Variants in PDZD4 observed in about 807,000 individuals in gnomAD.
PDZD4 encodes PDZ domain containing 4, also known as PDZ domain-containing protein 4.
In PDZD4, 9 loss-of-function variants were observed where a neutral mutation model predicts 38.5. The observed-to-expected ratio is 0.23, with a 90% CI of 0.14 to 0.41. The LOEUF is 0.41. PDZD4 is among the 10% of genes least tolerant of loss of function. The pLI is 1.00. For synonymous variants in PDZD4, 349 were observed against 315.7 expected, an observed-to-expected ratio of 1.11 and a Z score of -1.12; for missense variants, 612 against 722.0, an observed-to-expected ratio of 0.85 and a Z score of 1.75.
At chrX:153,810,413 G>A (rs895513704) in intron 1 of PDZD4, among the ~76,000 whole-genome samples, 2 of 112,370 alleles carry the variant, frequency 1.8e-5, no homozygotes, top group Non-Finnish European at 3.8e-5. Flanking sequence ...AAAGACCCAG[G>A]GAGGCTGGTT....
rs199802294 is a variant in PDZD4, at chrX:153,803,251, A to ACGCG, written c.*98_*101dup. On this transcript the variant is annotated 3_prime_UTR_variant, in exon 8 of 8. Transcript: ENST00000393758. Reference sequence around the variant, plus strand: ...AGATGTGTGCGTGCGCACAGCGAGCACGCGCGCGCGCACACACACACACAC... The same window carrying ACGCG: ...AGATGTGTGCGTGCGCACAGCGAGCACGCGCGCGCGCGCGCACACACACACACAC... 1.4e-5 allele frequency: 8 copies of ACGCG among 578,645 alleles called. No individual in the cohort carries two copies. The Admixed American group carries it at 3.0e-4, about 22-fold the overall frequency. The allele number at this position is 578,645 out of a possible 1,213,427, so 47.7% of individuals were successfully genotyped here. A position where few individuals can be genotyped will look rare whatever the true frequency, so the allele number is the denominator to read the frequency against.
intron 1 of PDZD4, among the ~76,000 whole-genome samples, chrX:153,817,557 C>T (rs1179673436): frequency 1.8e-5 from 2 of 112,005 alleles, no homozygotes; most frequent in African/African-American, 6.5e-5. Context: ...CCTGGGGAGT[C>T]ACTGCTGAGG....
chrX:153,821,168 G>A (rs1181566279), intron 1 of PDZD4, among the ~76,000 whole-genome samples: 2 of 111,533 alleles, frequency 1.8e-5, no homozygotes, highest in Non-Finnish European at 3.8e-5. Context: ...CCATAACTCT[G>A]TGCCCACCCT....
At chrX:153,816,731 A>C (rs781832757) in intron 1 of PDZD4, among the ~76,000 whole-genome samples, 2 of 111,758 alleles carry the variant, frequency 1.8e-5, no homozygotes, top group African/African-American at 6.5e-5. Flanking sequence ...TGAGACCTAA[A>C]TGATGACAAG....
chrX:153,806,725 C>T lies in PDZD4; in HGVS notation c.504+17G>A, dbSNP rs782504180. ...ATGTGGATGGGCCTCGGGGCTGGGG[C>T]ATACCCGTCTGCATACCTCTCCGAC... On this transcript the variant is annotated intron_variant, in intron 4 of 7. Transcript: ENST00000393758. The T allele has an allele frequency of 1.1e-5, 13 of 1,202,319 alleles. No individual in the cohort carries two copies. The South Asian group carries it at 2.1e-4, about 20-fold the overall frequency.
intron 1 of PDZD4, among the ~76,000 whole-genome samples, chrX:153,826,703 C>T (rs781957433): frequency 1.9e-4 from 21 of 112,018 alleles, no homozygotes; most frequent in South Asian, 3.7e-4. Flanking sequence ...TGAGCCAACA[C>T]GCTCAGCCAA....
intron 1 of PDZD4, among the ~76,000 whole-genome samples, chrX:153,818,659 G>C (rs1242754485): frequency 9.2e-6 from 1 of 108,803 alleles, no homozygotes; most frequent in East Asian, 2.9e-4. Flanking sequence ...CGGGAGGGGA[G>C]GGCGAAGGTG....
chrX:153,827,302 G>A (rs782766894), intron 1 of PDZD4, among the ~76,000 whole-genome samples: 30 of 111,808 alleles, frequency 2.7e-4, no homozygotes, highest in Non-Finnish European at 5.3e-4. Flanking sequence ...AGAGAAATTG[G>A]AACCCTTATA....
intron 1 of PDZD4, among the ~76,000 whole-genome samples, chrX:153,814,335 A>G (rs1240162952): frequency 1.8e-5 from 2 of 110,615 alleles, no homozygotes; most frequent in Non-Finnish European, 1.9e-5. Context: ...TTAGCCGGGC[A>G]TGGTGGTGCA....
rs189850976 is a variant in PDZD4, at chrX:153,823,233, A to T, written c.60+7006T>A. Among the ~76,000 whole-genome samples, 262 of 68,635 alleles carry T rather than the reference A, an allele frequency of 3.8e-3. 1 individual carries two copies. Among genetic ancestry groups the T allele is most frequent in the Middle Eastern group, 0.019 (3 of 155 alleles). 59.6% of individuals were successfully genotyped at this position (68,635 alleles called of 115,157 possible). A position where few individuals can be genotyped will look rare whatever the true frequency, so the allele number is the denominator to read the frequency against. On this transcript the variant is annotated intron_variant, in intron 1 of 7. Transcript: ENST00000393758. ...ATGCCCAGCTAATATATATATATAT[A>T]TTTTTTTTTGAGATGGAGTTTCGAG...
intron 4 of PDZD4, 47 bp downstream of exon 4, chrX:153,806,695 A>G: frequency 8.9e-7 from 1 of 1,118,564 alleles, no homozygotes; most frequent in Non-Finnish European, 1.2e-6. Flanking sequence ...AGCCACAGGC[A>G]GGCCATGTGG....
intron 2 of PDZD4, among the ~76,000 whole-genome samples, chrX:153,807,617 G>A (rs1039469275): frequency 3.1e-5 from 3 of 96,320 alleles, no homozygotes; most frequent in Admixed American, 1.3e-4. Flanking sequence ...TGCCTCTAGC[G>A]TTCCCGTCCC....
At chrX:153,830,217 G>C (rs1557083473) in intron 1 of PDZD4, 22 bp downstream of exon 1, 1 of 1,186,702 alleles carries the variant, frequency 8.4e-7, no homozygotes, top group Admixed American at 2.3e-5. Flanking sequence ...CCGCGCCCCC[G>C]CCGCAGCGCC....
intron 1 of PDZD4, among the ~76,000 whole-genome samples, chrX:153,811,883 G>A (rs1222766313): frequency 8.9e-6 from 1 of 112,034 alleles, no homozygotes; most frequent in Admixed American, 9.5e-5. Flanking sequence ...TGATGGAATG[G>A]CCTCGACACT....
intron 1 of PDZD4, among the ~76,000 whole-genome samples, chrX:153,825,360 C>T (rs1003951341): frequency 1.8e-5 from 2 of 111,578 alleles, no homozygotes; most frequent in African/African-American, 6.5e-5. Flanking sequence ...GTGCCAAGGC[C>T]AAGACAAGTT....
intron 1 of PDZD4, among the ~76,000 whole-genome samples, chrX:153,821,472 CAAAA>C (rs2064422907): frequency 9.3e-6 from 1 of 107,141 alleles, no homozygotes. Flanking sequence ...AAAAAAAAAA[CAAAA>C]CAAACAAACA....
chrX:153,817,992 TC>T (rs1266421625), intron 1 of PDZD4, among the ~76,000 whole-genome samples: 1 of 112,436 alleles, frequency 8.9e-6, no homozygotes, highest in Non-Finnish European at 1.9e-5. Context: ...AAGCCTGTAG[TC>T]CCAGCACTTT....
Position 153,804,407 on chromosome X carries a change from GC to G in PDZD4, c.1273del (p.Ala425ArgfsTer12). On this transcript the variant is annotated frameshift_variant, in exon 8 of 8. Transcript: ENST00000393758. LOFTEE classifies it high-confidence loss of function. ...LEFKCRNILR[A>X]QKMQQLRERC... ...CTCACGCAGCTGCTGCATCTTCTGC[GC>G]CCGCAGTATGTTGCGGCACTTGAAT... 8.3e-7 allele frequency: 1 copy of G among 1,209,719 alleles called. No homozygotes were observed.
intron 7 of PDZD4, 84 bp downstream of exon 7, chrX:153,805,013 T>C (rs1557076428): frequency 6.3e-6 from 7 of 1,119,823 alleles, no homozygotes; most frequent in African/African-American, 1.8e-5. Context: ...CTGCCAAGCA[T>C]TGGGAGACCC....
Sources: allele counts gnomAD v4.1 joint callset (sites outside exome capture counted in the v4.1 genomes callset), GRCh38; gene constraint gnomAD v4.1.1; transcripts MANE v1.5; gene names NCBI Gene and HGNC (gene_info 2026-07-23, HGNC 2026-07-21).